MCTP1: variants seen among roughly 807,000 people sequenced by gnomAD.
MCTP1 encodes the protein multiple C2 and transmembrane domain-containing protein 1.
MCTP1 carries 69 observed loss-of-function variants against 120.6 expected under a neutral mutation model. That is an observed-to-expected ratio of 0.57 (90% CI 0.47 to 0.70). The LOEUF (loss-of-function observed/expected upper bound fraction) is 0.70. Among genes scored for constraint, MCTP1 ranks in the 30% least tolerant of loss-of-function variants. The probability of loss-of-function intolerance (pLI) is 0.00; values close to 1 mark genes in which losing one functional copy is unlikely to be tolerated. For missense variants in MCTP1, 1,203 were observed against 1,248.8 expected, an observed-to-expected ratio of 0.96 and a Z score of 0.55; for synonymous variants, 529 against 493.1, an observed-to-expected ratio of 1.07 and a Z score of -0.96.
At chr5:95,239,519 A>G (rs1400292814) in intron 1 of MCTP1, among the ~76,000 whole-genome samples, 1 of 152,188 alleles carries the variant, frequency 6.6e-6, no homozygotes, top group African/African-American at 2.4e-5. Flanking sequence ...AGACTTGTGA[A>G]AATCAAACAA....
intron 10 of MCTP1, among the ~76,000 whole-genome samples, chr5:94,896,674 T>C (rs115303809): frequency 0.036 from 5,478 of 152,346 alleles, 148 homozygotes; most frequent in South Asian, 0.065. Flanking sequence ...AGATGGAATC[T>C]GATTCACAGA....
chr5:94,848,502 C>T (rs991683233), intron 17 of MCTP1, among the ~76,000 whole-genome samples: 4 of 152,068 alleles, frequency 2.6e-5, no homozygotes, highest in East Asian at 2.0e-4. Context: ...AGCCTACTTA[C>T]TCCTCACAAA....
At chr5:94,807,600 A>G (rs924062671) in intron 17 of MCTP1, among the ~76,000 whole-genome samples, 3 of 152,208 alleles carry the variant, frequency 2.0e-5, no homozygotes, top group Non-Finnish European at 4.4e-5. Flanking sequence ...ATATAAAAAG[A>G]AGGAGGATCA....
In MCTP1 at chr5:94,836,267, A is replaced by T. The variant is rs563125651; in HGVS notation, c.2436+32066T>A. On this transcript the variant is annotated intron_variant, in intron 17 of 22. Transcript: ENST00000515393. ...AAGAAGTGAGTGAAAGGATAAACCC[A>T]TCTGTAGGTCTGCACTGTGTCACTG... Among the ~76,000 whole-genome samples, 22 of 151,500 alleles carry T rather than the reference A, an allele frequency of 1.5e-4. 1 individual carries two copies. The South Asian group carries it at 4.6e-3, about 32-fold the overall frequency.
At chr5:94,887,315 C>T (rs1468666855) in intron 12 of MCTP1, among the ~76,000 whole-genome samples, 1 of 151,920 alleles carries the variant, frequency 6.6e-6, no homozygotes, top group Non-Finnish European at 1.5e-5. Context: ...TATTTTTTTC[C>T]AGCTTTGAGA....
At chr5:95,035,029 C>T (rs1373504345) in intron 1 of MCTP1, among the ~76,000 whole-genome samples, 3 of 152,064 alleles carry the variant, frequency 2.0e-5, no homozygotes, top group Non-Finnish European at 4.4e-5. Context: ...GATGCCATCT[C>T]ACACCAGTCA....
chr5:95,054,167 CAATAG>C (rs1746745450), intron 1 of MCTP1, among the ~76,000 whole-genome samples: 1 of 152,124 alleles, frequency 6.6e-6, no homozygotes, highest in South Asian at 2.1e-4. Context: ...GAATACAACA[CAATAG>C]AATAGAAGAG....
At chr5:95,236,579 T>C (rs1439654893) in intron 1 of MCTP1, among the ~76,000 whole-genome samples, 7 of 152,204 alleles carry the variant, frequency 4.6e-5, no homozygotes, top group African/African-American at 4.8e-5. Flanking sequence ...AGGTTATATA[T>C]AGTCTTTGCT....
At chr5:94,899,119 G>A (rs1428955537) in intron 10 of MCTP1, among the ~76,000 whole-genome samples, 1 of 152,230 alleles carries the variant, frequency 6.6e-6, no homozygotes, top group East Asian at 1.9e-4. Flanking sequence ...GCAGTAGGGT[G>A]TGCCACTATG....
At chr5:95,033,815 A>G (rs567862308) in intron 1 of MCTP1, among the ~76,000 whole-genome samples, 30 of 152,234 alleles carry the variant, frequency 2.0e-4, no homozygotes, top group African/African-American at 7.2e-4. Context: ...CAATAGCTAG[A>G]AAGCCCTAAA....
At chr5:94,952,341 T>C (rs1820847380) in intron 3 of MCTP1, among the ~76,000 whole-genome samples, 1 of 152,200 alleles carries the variant, frequency 6.6e-6, no homozygotes, top group Non-Finnish European at 1.5e-5. Context: ...TCTTATAAGC[T>C]ACCCTCTTGT....
chr5:95,152,972 C>A (rs889658031), intron 1 of MCTP1, among the ~76,000 whole-genome samples: 1 of 152,146 alleles, frequency 6.6e-6, no homozygotes, highest in African/African-American at 2.4e-5. Flanking sequence ...GGCATGTGGT[C>A]CTGTAAAACC....
At chr5:94,986,907 A>G (rs924986688) in intron 2 of MCTP1, among the ~76,000 whole-genome samples, 1 of 152,154 alleles carries the variant, frequency 6.6e-6, no homozygotes, top group Non-Finnish European at 1.5e-5. Context: ...CCACATGCAC[A>G]TGCTTGGATG....
intron 17 of MCTP1, among the ~76,000 whole-genome samples, chr5:94,810,496 G>T (rs1203189397): frequency 1.3e-5 from 2 of 152,106 alleles, no homozygotes; most frequent in African/African-American, 4.8e-5. Context: ...TCTCTATACT[G>T]TGCCAGAAAA....
intron 1 of MCTP1, among the ~76,000 whole-genome samples, chr5:95,123,980 G>A (rs1459881002): frequency 1.3e-5 from 2 of 152,130 alleles, no homozygotes; most frequent in Non-Finnish European, 2.9e-5. Flanking sequence ...ATAAGCCCAT[G>A]TATCAATGTA....
chr5:94,759,047 CA>C (rs1770656676), intron 19 of MCTP1, among the ~76,000 whole-genome samples: 1 of 152,130 alleles, frequency 6.6e-6, no homozygotes, highest in African/African-American at 2.4e-5. Context: ...ATTAAATTCT[CA>C]AAACCTGACC....
chr5:95,277,563 G>C (rs1052842435), intron 1 of MCTP1, among the ~76,000 whole-genome samples: 2 of 152,204 alleles, frequency 1.3e-5, no homozygotes, highest in African/African-American at 4.8e-5. Flanking sequence ...TTATTGAGTA[G>C]TCTTCCCCTG....
At chr5:94,906,708 T>C (rs1444090883) in intron 10 of MCTP1, among the ~76,000 whole-genome samples, 1 of 152,176 alleles carries the variant, frequency 6.6e-6, no homozygotes, top group Admixed American at 6.5e-5. Flanking sequence ...TTATAAACCA[T>C]AGCATAATAA....
At chr5:94,867,560 A>C in intron 17 of MCTP1, 1 of 431,308 alleles carries the variant, frequency 2.3e-6, no homozygotes, top group Non-Finnish European at 4.1e-6. Flanking sequence ...TATTTGAACA[A>C]ACATGAAAAT....
Sources: allele counts gnomAD v4.1 joint callset (sites outside exome capture counted in the v4.1 genomes callset), GRCh38; gene constraint gnomAD v4.1.1; transcripts MANE v1.5; gene names NCBI Gene and HGNC (gene_info 2026-07-23, HGNC 2026-07-21).